The following PTPN11 variants were observed in gnomAD, a reference collection of about 807,000 sequenced individuals.
PTPN11 encodes the protein tyrosine-protein phosphatase non-receptor type 11.
In PTPN11, 6 loss-of-function variants were observed where a neutral mutation model predicts 78.8. The ratio of observed to expected loss-of-function variants is 0.08; its 90% CI spans 0.04 to 0.15. The LOEUF (loss-of-function observed/expected upper bound fraction) is 0.15. Ranked by LOEUF, PTPN11 falls within the 10% of genes least tolerant of loss-of-function variation. The pLI, the probability that PTPN11 is intolerant of heterozygous loss-of-function variation, is 1.00. For synonymous variants in PTPN11, 221 were observed against 263.5 expected (o/e 0.84, Z 1.56); for missense variants, 386 against 744.8 (o/e 0.52, Z 5.61).
At position 112,507,415 on chromosome 12, in the gene PTPN11, CT is replaced by C. The variant is rs1257054538; in HGVS notation, c.*1626del. On this transcript the variant is annotated 3_prime_UTR_variant, in exon 16 of 16. Transcript: ENST00000351677. ...ATCCCCAGACTTGGGAAACGTGACTCTTTCTTAATGCCACTGGGTTTTAGTC... is the reference window on the plus strand; with the variant it reads ...ATCCCCAGACTTGGGAAACGTGACTCTTCTTAATGCCACTGGGTTTTAGTC... The C allele has an allele frequency of 6.6e-6, 1 of 152,646 alleles. No individual in the cohort carries two copies. Among genetic ancestry groups the C allele is most frequent in the Non-Finnish European group, 1.5e-5 (1 of 68,128 alleles). The allele number at this position is 152,646 out of a possible 1,614,324, so 9.5% of individuals were successfully genotyped here.
intron 13 of PTPN11, among the ~76,000 whole-genome samples, chr12:112,498,598 G>C (rs1592860448): frequency 6.6e-6 from 1 of 152,174 alleles, no homozygotes; most frequent in Non-Finnish European, 1.5e-5. Context: ...TCAATCTTGG[G>C]TGTGTGTCAG....
intron 1 of PTPN11, among the ~76,000 whole-genome samples, chr12:112,421,496 A>C (rs1566151795): frequency 6.6e-6 from 1 of 152,130 alleles, no homozygotes; most frequent in Non-Finnish European, 1.5e-5. Flanking sequence ...AATTGTTTGA[A>C]TAGAGATGGG....
At chr12:112,486,174 G>A (rs2038671383) in intron 10 of PTPN11, among the ~76,000 whole-genome samples, 1 of 152,250 alleles carries the variant, frequency 6.6e-6, no homozygotes, top group Middle Eastern at 3.4e-3. Flanking sequence ...GTGCCACAGG[G>A]ATGCAGGGGA....
chr12:112,437,139 C>A lies in PTPN11; in HGVS notation c.15-9137C>A, dbSNP rs760085160. On this transcript the variant is annotated intron_variant, in intron 1 of 15. Transcript: ENST00000351677. ...TAGTATTGCATTGTTTCATCTTTTA[C>A]GTTTATTATTTATTTTATTTTATTT... Among the ~76,000 whole-genome samples, 70 of 151,716 alleles carry A rather than the reference C, an allele frequency of 4.6e-4. 1 individual carries two copies. Among genetic ancestry groups the A allele is most frequent in the Non-Finnish European group, 1.3e-4 (9 of 67,944 alleles).
intron 13 of PTPN11, among the ~76,000 whole-genome samples, 157 bp downstream of exon 13, chr12:112,489,332 A>G (rs748040604): frequency 6.6e-6 from 1 of 152,224 alleles, no homozygotes; most frequent in Non-Finnish European, 1.5e-5. Context: ...GAAACTGTCA[A>G]TTATTCTCCA....
intron 1 of PTPN11, among the ~76,000 whole-genome samples, chr12:112,435,145 A>G (rs2037770422): frequency 6.6e-6 from 1 of 151,926 alleles, no homozygotes; most frequent in Non-Finnish European, 1.5e-5. Context: ...TAGCTTCCCA[A>G]GTAACTGGGA....
In PTPN11 at chr12:112,495,268, A is replaced by T. The variant is rs150896483; in HGVS notation, c.1599+6093A>T. On this transcript the variant is annotated intron_variant, in intron 13 of 15. Coordinates refer to ENST00000351677, the MANE Select transcript of PTPN11 (RefSeq NM_002834.5). ...ATGAATATCCTTTTTCTGTTCCTTG[A>T]TCCAATTCATGGTCACACACTGAGT... is the stretch of plus-strand genomic sequence containing the variant. Among the ~76,000 whole-genome samples the T allele has an allele frequency of 2.7e-3, 416 of 152,296 alleles. 2 individuals carry two copies. The highest frequency in any genetic ancestry group is 9.6e-3 in the African/African-American group (400 of 41,558).
At position 112,482,453 on chromosome 12, in the gene PTPN11, G is replaced by C. The variant is rs999890191; in HGVS notation, c.1224+248G>C. 6.6e-6 allele frequency among the ~76,000 whole-genome samples: 1 copy of C among 152,114 alleles called. No individual in the cohort carries two copies. The highest frequency in any genetic ancestry group is 2.4e-5 in the African/African-American group (1 of 41,414). Reference sequence around the variant, plus strand: ...ATAGACAATTTAAAAACAAATAACTGGCCAGGCGCCGTGGCTCAGGCCTGT... The same window carrying C: ...ATAGACAATTTAAAAACAAATAACTCGCCAGGCGCCGTGGCTCAGGCCTGT... On this transcript the variant is annotated intron_variant, in intron 10 of 15. Transcript: ENST00000351677. The surrounding 1 kb of genome is among the most constrained non-coding windows in gnomAD (Gnocchi z 4.4).
At chr12:112,489,493 C>T (rs1378939162) in intron 13 of PTPN11, among the ~76,000 whole-genome samples, 1 of 152,214 alleles carries the variant, frequency 6.6e-6, no homozygotes, top group African/African-American at 2.4e-5. Context: ...CTTGAAGTTT[C>T]TAGCCTGTTC....
chr12:112,496,130 A>G (rs1273893725), intron 13 of PTPN11, among the ~76,000 whole-genome samples: 1 of 152,190 alleles, frequency 6.6e-6, no homozygotes, highest in Non-Finnish European at 1.5e-5. Flanking sequence ...CATTATTTAT[A>G]TTGATAGAGA....
chr12:112,427,572 T>A (rs999951106), intron 1 of PTPN11, among the ~76,000 whole-genome samples: 1 of 151,300 alleles, frequency 6.6e-6, no homozygotes, highest in Non-Finnish European at 1.5e-5. Context: ...TATATCTATA[T>A]ATCTATATCT....
chr12:112,449,022 G>A (rs1316029808), intron 2 of PTPN11, among the ~76,000 whole-genome samples: 7 of 151,786 alleles, frequency 4.6e-5, no homozygotes, highest in Admixed American at 2.0e-4. Context: ...CAGTAGGTGA[G>A]ATTACAGGTG....
intron 13 of PTPN11, 71 bp from the exon 14 acceptor site, chr12:112,502,073 A>G (rs547234556): frequency 1.5e-4 from 192 of 1,277,870 alleles, no homozygotes; most frequent in Admixed American, 1.0e-3. Context: ...TTTTGGGCAA[A>G]ATACCTTTTT....
intron 3 of PTPN11, among the ~76,000 whole-genome samples, chr12:112,452,582 C>T (rs752675504): frequency 4.6e-5 from 7 of 151,556 alleles, no homozygotes; most frequent in Non-Finnish European, 8.8e-5. Context: ...AGCTGGAGTG[C>T]GGTGGCATGA....
intron 1 of PTPN11, among the ~76,000 whole-genome samples, chr12:112,437,072 C>T (rs982669187): frequency 3.3e-5 from 5 of 152,124 alleles, no homozygotes; most frequent in Non-Finnish European, 7.4e-5. Context: ...GAAAGCCTTT[C>T]CTTATTCTAA....
At chr12:112,440,820 T>C (rs954665738) in intron 1 of PTPN11, among the ~76,000 whole-genome samples, 1 of 151,596 alleles carries the variant, frequency 6.6e-6, no homozygotes, top group African/African-American at 2.4e-5. Context: ...GTAATCCTCC[T>C]GCCTCAGCTC....
At chr12:112,490,973 G>T (rs1336650366) in intron 13 of PTPN11, among the ~76,000 whole-genome samples, 1 of 152,110 alleles carries the variant, frequency 6.6e-6, no homozygotes, top group African/African-American at 2.4e-5. Context: ...ACTCATTCAG[G>T]ATAATTGGTT....
chr12:112,454,967 C>A (rs1044616533), intron 5 of PTPN11, among the ~76,000 whole-genome samples: 1 of 148,978 alleles, frequency 6.7e-6, no homozygotes, highest in Admixed American at 6.7e-5. Flanking sequence ...CTACAGGTGC[C>A]CACCACCATG....
intron 11 of PTPN11, chr12:112,486,835 T>A: frequency 6.9e-7 from 1 of 1,440,626 alleles, no homozygotes; most frequent in Non-Finnish European, 9.1e-7. Context: ...GCCATGGCCA[T>A]GGCAACATGC....
Sources: allele counts gnomAD v4.1 joint callset (sites outside exome capture counted in the v4.1 genomes callset), GRCh38; gene constraint gnomAD v4.1.1; non-coding constraint Gnocchi (gnomAD v3.1); transcripts MANE v1.5; gene names NCBI Gene and HGNC (gene_info 2026-07-23, HGNC 2026-07-21).